PRKN: variants seen among roughly 807,000 people sequenced by gnomAD.
PRKN encodes E3 ubiquitin-protein ligase parkin.
A neutral mutation model predicts 59.5 loss-of-function variants in PRKN; 56 were observed. The observed-to-expected ratio is 0.94, with a 90% CI of 0.76 to 1.18. The LOEUF is 1.18. PRKN is among the 50% of genes most tolerant of loss of function. PRKN has a pLI of 0.00. For missense variants in PRKN, 657 were observed against 596.4 expected (o/e 1.10, Z -1.06); for synonymous variants, 250 against 222.1 (o/e 1.13, Z -1.12).
chr6:161,548,114 G>A lies in PRKN; in HGVS notation c.1083+740C>T, dbSNP rs1025235791. Among the ~76,000 whole-genome samples the A allele has an allele frequency of 1.3e-5, 2 of 152,160 alleles. No homozygotes were observed. The highest frequency in any genetic ancestry group is 4.8e-5 in the African/African-American group (2 of 41,420). On this transcript the variant is annotated intron_variant, in intron 9 of 11. Transcript: ENST00000366898. The surrounding 1 kb of genome is among the most constrained non-coding windows in gnomAD (Gnocchi z 4.2). Reference sequence around the variant, plus strand: ...ATCAAAATTCAATAGACTTTTATATGCACATACACTTTCTCACTTTTCCAG... The same window carrying A: ...ATCAAAATTCAATAGACTTTTATATACACATACACTTTCTCACTTTTCCAG...
intron 7 of PRKN, among the ~76,000 whole-genome samples, chr6:161,760,150 T>C (rs1010947969): frequency 7.8e-5 from 11 of 140,958 alleles, no homozygotes; most frequent in African/African-American, 2.9e-4. Flanking sequence ...ACTTTATGAA[T>C]ACCCTTTTCC....
At chr6:162,316,887 T>C (rs1050509886) in intron 2 of PRKN, among the ~76,000 whole-genome samples, 2 of 152,044 alleles carry the variant, frequency 1.3e-5, no homozygotes, top group African/African-American at 2.4e-5. Flanking sequence ...TGCATTAGTA[T>C]AAAAAACAGT....
chr6:161,975,000 G>A (rs920072742), intron 5 of PRKN, among the ~76,000 whole-genome samples: 3 of 152,072 alleles, frequency 2.0e-5, no homozygotes, highest in African/African-American at 7.2e-5. Context: ...TTTCCCTGCA[G>A]GCCATGATGA....
intron 1 of PRKN, among the ~76,000 whole-genome samples, chr6:162,508,301 G>C (rs1793694816): frequency 6.6e-6 from 1 of 152,144 alleles, no homozygotes; most frequent in African/African-American, 2.4e-5. Context: ...GGGAATTACA[G>C]GAGTACAAAT....
At chr6:161,753,499 A>G (rs993446061) in intron 7 of PRKN, among the ~76,000 whole-genome samples, 1 of 152,234 alleles carries the variant, frequency 6.6e-6, no homozygotes, top group African/African-American at 2.4e-5. Flanking sequence ...AAGCAGTACG[A>G]AGAAGGATAA....
intron 7 of PRKN, among the ~76,000 whole-genome samples, chr6:161,623,315 T>C (rs924610538): frequency 6.6e-6 from 1 of 152,168 alleles, no homozygotes; most frequent in Non-Finnish European, 1.5e-5. Context: ...ATGTTTTCCC[T>C]TAAAAAAGAT....
Position 161,414,378 on chromosome 6 carries a change from C to T in PRKN, c.1084-27501G>A, listed in dbSNP as rs1389587802. On this transcript the variant is annotated intron_variant, in intron 9 of 11. Coordinates refer to ENST00000366898, the MANE Select transcript of PRKN (RefSeq NM_004562.3). The surrounding 1 kb of genome is among the most constrained non-coding windows in gnomAD (Gnocchi z 5.3). ...TTCCCAGATTCTGTTTAGATGCACC[C>T]GAGGCCCCAGGCAAAGGTTTCTGCC... Among the ~76,000 whole-genome samples, 1 of 152,172 alleles carries T rather than the reference C, an allele frequency of 6.6e-6. No homozygotes were observed. The highest frequency in any genetic ancestry group is 2.4e-5 in the African/African-American group (1 of 41,428).
chr6:162,648,423 C>T (rs1778283726), intron 1 of PRKN, among the ~76,000 whole-genome samples: 1 of 144,972 alleles, frequency 6.9e-6, no homozygotes, highest in Non-Finnish European at 1.5e-5. Context: ...GCTCTGTTTC[C>T]CAAGCTGGAG....
At chr6:161,623,712 C>T (rs543469950) in intron 7 of PRKN, among the ~76,000 whole-genome samples, 82 of 152,220 alleles carry the variant, frequency 5.4e-4, no homozygotes, top group Admixed American at 4.4e-3. Context: ...CCATTATTTT[C>T]CTAATGATTT....
At chr6:161,563,630 GTTTATT>G (rs1001834653) in intron 8 of PRKN, among the ~76,000 whole-genome samples, 4 of 152,152 alleles carry the variant, frequency 2.6e-5, no homozygotes, top group African/African-American at 9.7e-5. Context: ...ATTTTAAGGA[GTTTATT>G]TTTATTTTGG....
At chr6:162,213,801 C>CCACA (rs1166081932) in intron 3 of PRKN, among the ~76,000 whole-genome samples, 4 of 67,390 alleles carry the variant, frequency 5.9e-5, no homozygotes, top group Non-Finnish European at 1.2e-4. Context: ...CAAAAAAAAA[C>CCACA]CATACACACA....
rs962961846 is a variant in PRKN at position 161,429,198 on chromosome 6, T to C, written c.1084-42321A>G. Among the ~76,000 whole-genome samples the C allele has an allele frequency of 3.3e-5, 5 of 152,226 alleles. No homozygotes were observed. Among genetic ancestry groups the C allele is most frequent in the Admixed American group, 1.3e-4 (2 of 15,270 alleles). On this transcript the variant is annotated intron_variant, in intron 9 of 11. Coordinates refer to ENST00000366898, the MANE Select transcript of PRKN (RefSeq NM_004562.3). The surrounding 1 kb of genome is among the most constrained non-coding windows in gnomAD (Gnocchi z 4.2). The stretch of plus-strand genomic sequence containing the variant: ...ATGTAAGATACAATTTATATATTCT[T>C]GCTCATTTACTCATTTATTCATTTA...
chr6:162,057,424 G>T (rs910948068), intron 4 of PRKN, among the ~76,000 whole-genome samples: 2 of 152,074 alleles, frequency 1.3e-5, no homozygotes, highest in African/African-American at 4.8e-5. Flanking sequence ...TCCCTGACCT[G>T]CCAAGCTGTT....
intron 5 of PRKN, among the ~76,000 whole-genome samples, chr6:162,021,255 TAAG>T (rs1318453144): frequency 5.1e-4 from 29 of 56,352 alleles, no homozygotes; most frequent in Non-Finnish European, 9.0e-4. Flanking sequence ...ACTTAATTGA[TAAG>T]AAAACAGATA....
At chr6:161,587,832 A>T (rs935294705) in intron 7 of PRKN, among the ~76,000 whole-genome samples, 2 of 152,098 alleles carry the variant, frequency 1.3e-5, no homozygotes, top group African/African-American at 4.8e-5. Context: ...CATAAAACTC[A>T]CTGTATCTAA....
rs780109421 is a variant in PRKN at position 161,419,935 on chromosome 6, C to T, written c.1084-33058G>A. Among the ~76,000 whole-genome samples, 36 of 151,972 alleles carry T rather than the reference C, an allele frequency of 2.4e-4. No individual in the cohort carries two copies. Among genetic ancestry groups the T allele is most frequent in the Non-Finnish European group, 4.3e-4 (29 of 68,010 alleles). On this transcript the variant is annotated intron_variant, in intron 9 of 11. Coordinates refer to ENST00000366898, the MANE Select transcript of PRKN (RefSeq NM_004562.3). This position sits in a 1 kb window ranked among gnomAD's most constrained non-coding sequence, Gnocchi z 4.1. ...AGCACTGCGCCTGGCACGTAAAAGG[C>T]ACTTGTTTAAGAACTTGATAAGGCT...
Position 161,447,114 on chromosome 6 carries a change from C to T in PRKN, c.1084-60237G>A, listed in dbSNP as rs1003962886. 6.6e-6 allele frequency among the ~76,000 whole-genome samples: 1 copy of T among 152,138 alleles called. No individual in the cohort carries two copies. The highest frequency in any genetic ancestry group is 1.5e-5 in the Non-Finnish European group (1 of 68,028). ...TTTTAATCCCATTTTCCTTCTCACC[C>T]CACACTGAGCGTTACTATAGCAACA... On this transcript the variant is annotated intron_variant, in intron 9 of 11. Coordinates refer to ENST00000366898, the MANE Select transcript of PRKN (RefSeq NM_004562.3). This position sits in a 1 kb window ranked among gnomAD's most constrained non-coding sequence, Gnocchi z 4.1.
At chr6:162,154,969 CA>C (rs1156918855) in intron 4 of PRKN, among the ~76,000 whole-genome samples, 2,687 of 115,948 alleles carry the variant, frequency 0.023, 75 homozygotes, top group African/African-American at 0.074. Flanking sequence ...TCAGGTGATG[CA>C]AAAAAAAAAA....
At position 162,302,963 on chromosome 6, in the gene PRKN, T is replaced by TACACACACACACAC. The variant is rs71004084; in HGVS notation, c.172-40212_172-40199dup. 8.3e-3 allele frequency among the ~76,000 whole-genome samples: 1,161 copies of TACACACACACACAC among 139,568 alleles called. 13 individuals are homozygous for TACACACACACACAC. Among genetic ancestry groups the TACACACACACACAC allele is most frequent in the African/African-American group, 0.011 (378 of 35,784 alleles). 91.6% of individuals were successfully genotyped at this position (139,568 alleles called of 152,430 possible). A position where few individuals can be genotyped will look rare whatever the true frequency, so the allele number is the denominator to read the frequency against. On this transcript the variant is annotated intron_variant, in intron 2 of 11. Coordinates refer to ENST00000366898, the MANE Select transcript of PRKN (RefSeq NM_004562.3). ...GGGTGAGTATTATATGCCTTAAACATACACACACACACACACACACACACA... is the reference window on the plus strand; with the variant it reads ...GGGTGAGTATTATATGCCTTAAACATACACACACACACACACACACACACACACACACACACACA...
Sources: allele counts gnomAD v4.1 joint callset (sites outside exome capture counted in the v4.1 genomes callset), GRCh38; gene constraint gnomAD v4.1.1; non-coding constraint Gnocchi (gnomAD v3.1); transcripts MANE v1.5; gene names NCBI Gene and HGNC (gene_info 2026-07-23, HGNC 2026-07-21).